The following FAF1 variants were observed in gnomAD, a reference collection of about 807,000 sequenced individuals.
FAF1 encodes Fas associated factor 1.
Under a neutral mutation model 92.5 loss-of-function variants are expected in FAF1, and 25 were observed. The observed-to-expected ratio is 0.27, with a 90% CI of 0.20 to 0.38. The LOEUF is 0.38. Among genes scored for constraint, FAF1 ranks in the 10% least tolerant of loss-of-function variants. The pLI is 1.00. For missense variants in FAF1, 636 were observed against 793.3 expected (o/e 0.80, Z 2.38); for synonymous variants, 234 against 273.2 (o/e 0.86, Z 1.42).
intron 15 of FAF1, among the ~76,000 whole-genome samples, chr1:50,519,246 C>T (rs1177773208): frequency 6.6e-6 from 1 of 151,876 alleles, no homozygotes; most frequent in African/African-American, 2.4e-5. Flanking sequence ...AGGAGAATCG[C>T]TTGAACCAGG....
At chr1:50,779,599 T>C (rs1661088002) in intron 4 of FAF1, among the ~76,000 whole-genome samples, 1 of 151,410 alleles carries the variant, frequency 6.6e-6, no homozygotes, top group South Asian at 2.1e-4. Context: ...TAAAATACTC[T>C]ATAAAATATG....
chr1:50,900,030 T>C (rs1311406999), intron 1 of FAF1, among the ~76,000 whole-genome samples: 2 of 152,240 alleles, frequency 1.3e-5, no homozygotes, highest in Admixed American at 1.3e-4. Flanking sequence ...ATAAATACTT[T>C]CCATTTACTT....
intron 2 of FAF1, among the ~76,000 whole-genome samples, chr1:50,812,429 T>G (rs1643925025): frequency 6.6e-6 from 1 of 152,120 alleles, no homozygotes; most frequent in Non-Finnish European, 1.5e-5. Context: ...GATCAAACAC[T>G]TTTCAAAAGA....
intron 1 of FAF1, among the ~76,000 whole-genome samples, chr1:50,863,563 A>G (rs771086219): frequency 2.0e-5 from 3 of 151,986 alleles, no homozygotes; most frequent in Non-Finnish European, 4.4e-5. Flanking sequence ...CAAAAGATAA[A>G]TGAAACAAAA....
intron 7 of FAF1, among the ~76,000 whole-genome samples, chr1:50,681,577 G>A (rs980883035): frequency 2.6e-5 from 4 of 151,404 alleles, no homozygotes; most frequent in South Asian, 4.2e-4. Context: ...GCGCAATCTC[G>A]TCTCACTGAA....
chr1:50,629,076 AT>A (rs1653636836), intron 8 of FAF1, among the ~76,000 whole-genome samples: 2 of 151,330 alleles, frequency 1.3e-5, no homozygotes, highest in African/African-American at 4.9e-5. Context: ...TATAATAAAT[AT>A]TTTTAAGTGA....
chr1:50,744,861 G>A (rs1386577650), intron 4 of FAF1, 86 bp from the exon 5 acceptor site: 2 of 720,434 alleles, frequency 2.8e-6, no homozygotes, highest in African/African-American at 1.8e-5. Flanking sequence ...CTAATATGTG[G>A]CATACAGTGT....
chr1:50,526,386 A>C (rs920170308), intron 15 of FAF1, among the ~76,000 whole-genome samples: 2 of 151,886 alleles, frequency 1.3e-5, no homozygotes, highest in African/African-American at 4.8e-5. Context: ...TCTTGAGCCC[A>C]GGAGTTCAAG....
intron 9 of FAF1, among the ~76,000 whole-genome samples, chr1:50,586,374 C>T (rs1025838917): frequency 6.6e-6 from 1 of 152,082 alleles, no homozygotes; most frequent in African/African-American, 2.4e-5. Context: ...TAAAACTGCT[C>T]ATCTAGTGAT....
At chr1:50,726,646 A>G (rs1658669971) in intron 6 of FAF1, among the ~76,000 whole-genome samples, 1 of 152,178 alleles carries the variant, frequency 6.6e-6, no homozygotes, top group Non-Finnish European at 1.5e-5. Flanking sequence ...TGGCTAACAC[A>G]GTGAAACCCA....
chr1:50,626,269 T>C (rs1469074116), intron 8 of FAF1, among the ~76,000 whole-genome samples: 4 of 152,166 alleles, frequency 2.6e-5, no homozygotes, highest in South Asian at 2.1e-4. Flanking sequence ...ACAATCTTTA[T>C]TGAGCACCTA....
intron 17 of FAF1, among the ~76,000 whole-genome samples, chr1:50,487,477 T>G (rs903932873): frequency 5.9e-5 from 9 of 152,220 alleles, no homozygotes; most frequent in African/African-American, 1.9e-4. Flanking sequence ...CATGTATTCA[T>G]GTAAGTTTCT....
chr1:50,947,701 C>T (rs1645181595), intron 1 of FAF1, among the ~76,000 whole-genome samples: 1 of 152,100 alleles, frequency 6.6e-6, no homozygotes. Flanking sequence ...TTATTGAGCC[C>T]CTCAATAAAA....
rs1269525612 is a variant in FAF1 at position 50,440,420 on chromosome 1, A to G, written c.*1020T>C. On this transcript the variant is annotated 3_prime_UTR_variant, in exon 19 of 19. Transcript: ENST00000396153. ...TCAGCCACAGAATGAGATCCCTTTC[A>G]TTTGAGTCCAATATCAAATACTAAA... 2 of 152,242 alleles carry G rather than the reference A, an allele frequency of 1.3e-5. No individual in the cohort carries two copies. The highest frequency in any genetic ancestry group is 2.9e-5 in the Non-Finnish European group (2 of 68,038). 9.4% of individuals were successfully genotyped at this position (152,242 alleles called of 1,614,324 possible).
intron 2 of FAF1, among the ~76,000 whole-genome samples, chr1:50,838,823 G>T (rs1172562511): frequency 6.6e-6 from 1 of 151,980 alleles, no homozygotes; most frequent in Non-Finnish European, 1.5e-5. Flanking sequence ...TTTCAAAATT[G>T]TAACAATAAA....
chr1:50,685,228 C>G (rs1009403816), intron 7 of FAF1, among the ~76,000 whole-genome samples: 2 of 152,094 alleles, frequency 1.3e-5, no homozygotes, highest in African/African-American at 2.4e-5. Context: ...TTGGTAAAAT[C>G]TGAGGTACAT....
intron 15 of FAF1, among the ~76,000 whole-genome samples, chr1:50,514,040 ATC>A (rs1187207568): frequency 5.3e-5 from 8 of 152,234 alleles, no homozygotes; most frequent in African/African-American, 1.7e-4. Flanking sequence ...GTAAGGAATA[ATC>A]TGTTTCAACT....
intron 1 of FAF1, among the ~76,000 whole-genome samples, chr1:50,864,066 T>C (rs1280205628): frequency 6.6e-6 from 1 of 151,902 alleles, no homozygotes; most frequent in African/African-American, 2.4e-5. Flanking sequence ...TTATCATTTT[T>C]TATTGTGTCT....
rs369640627 is a variant in FAF1, at chr1:50,525,857, C to T, written c.1494+9512G>A. ...TGCATAATAATGTGAATGCAAAATA[C>T]CTGCATGTATATTTCCAGTACACTC... On this transcript the variant is annotated intron_variant, in intron 15 of 18. Transcript: ENST00000396153. Among the ~76,000 whole-genome samples, 5 of 152,058 alleles carry T rather than the reference C, an allele frequency of 3.3e-5. No individual in the cohort carries two copies. The East Asian group carries it at 7.7e-4, about 24-fold the overall frequency.
Sources: gnomAD v4.1 joint callset for allele counts (sites outside exome capture counted in the v4.1 genomes callset) on GRCh38, gnomAD v4.1.1 for gene constraint, MANE v1.5 for transcripts, NCBI Gene and HGNC (gene_info 2026-07-23, HGNC 2026-07-21) for gene names.